VWF: variants seen among roughly 807,000 people sequenced by gnomAD.
The protein encoded by VWF is Factor VIII related antigen.
Under a neutral mutation model 308.6 loss-of-function variants are expected in VWF, and 176 were observed. The ratio of observed to expected loss-of-function variants is 0.57; its 90% CI spans 0.50 to 0.65. VWF has a LOEUF of 0.65. VWF is among the 30% of genes least tolerant of loss of function. The pLI, the probability that VWF is intolerant of heterozygous loss-of-function variation, is 0.00. For synonymous variants in VWF, 1,385 were observed against 1,443.4 expected (o/e 0.96, Z 0.92); for missense variants, 3,146 against 3,648.2 (o/e 0.86, Z 3.55).
At chr12:6,119,752 G>A (rs987200112) in intron 3 of VWF, among the ~76,000 whole-genome samples, 23 of 152,210 alleles carry the variant, frequency 1.5e-4, no homozygotes, top group African/African-American at 5.3e-4. Flanking sequence ...TGAGGCAGGA[G>A]AATTGCTTGA....
At position 6,060,186 on chromosome 12, in the gene VWF, C is replaced by G. The variant is rs1048908484; in HGVS notation, c.1534-2142G>C. Reference sequence around the variant, plus strand: ...AATAAACCTCTGGTCAGTGACAGTTCTGACTAAATGAAGCCTGTGCAAGGA... The same window carrying G: ...AATAAACCTCTGGTCAGTGACAGTTGTGACTAAATGAAGCCTGTGCAAGGA... On this transcript the variant is annotated intron_variant, in intron 13 of 51. Transcript: ENST00000261405. The surrounding 1 kb of genome is among the most constrained non-coding windows in gnomAD (Gnocchi z 5.1). Among the ~76,000 whole-genome samples, 4 of 152,184 alleles carry G rather than the reference C, an allele frequency of 2.6e-5. No individual in the cohort carries two copies. Among genetic ancestry groups the G allele is most frequent in the African/African-American group, 7.2e-5 (3 of 41,440 alleles).
At chr12:6,120,314 GT>G (rs1232380524) in intron 3 of VWF, among the ~76,000 whole-genome samples, 2 of 151,402 alleles carry the variant, frequency 1.3e-5, no homozygotes, top group Admixed American at 1.3e-4. Context: ...CAGTTTTTTT[GT>G]TTTTTGTGGG....
At chr12:6,116,554 G>A (rs1487042820) in intron 3 of VWF, among the ~76,000 whole-genome samples, 1 of 152,214 alleles carries the variant, frequency 6.6e-6, no homozygotes, top group Non-Finnish European at 1.5e-5. Flanking sequence ...GACTCAGCAG[G>A]CTGTTGGTTG....
Position 6,016,735 on chromosome 12 carries a change from A to G in VWF, c.5170+19T>C, listed in dbSNP as rs1385082001. On this transcript the variant is annotated intron_variant, in intron 29 of 51. Transcript: ENST00000261405. ...GAGCCTCTTCGTCACCTGCTGCTTC[A>G]GGTGCCTCGCTCACCCACCTATATT... is the stretch of plus-strand genomic sequence containing the variant. The G allele has an allele frequency of 6.2e-7, 1 of 1,614,260 alleles. No homozygotes were observed.
At chr12:5,971,231 C>T (rs1019242148) in intron 44 of VWF, among the ~76,000 whole-genome samples, 11 of 152,194 alleles carry the variant, frequency 7.2e-5, no homozygotes, top group Admixed American at 3.3e-4. Context: ...GGTCTGAGGA[C>T]CCTGCCTGGG....
At chr12:5,949,367 A>G (rs1294675870) in intron 51 of VWF, among the ~76,000 whole-genome samples, 164 bp from the exon 52 acceptor site, 2 of 152,224 alleles carry the variant, frequency 1.3e-5, no homozygotes, top group African/African-American at 4.8e-5. Context: ...AAGGAAGATC[A>G]TAGGTCTGAC....
chr12:6,014,676 T>G (rs1944037763), intron 31 of VWF, among the ~76,000 whole-genome samples: 1 of 152,204 alleles, frequency 6.6e-6, no homozygotes, highest in Non-Finnish European at 1.5e-5. Flanking sequence ...TTTTGCCTAT[T>G]AGAGCATGCA....
At chr12:5,975,366 G>A (rs938162810) in intron 43 of VWF, among the ~76,000 whole-genome samples, 8 of 152,066 alleles carry the variant, frequency 5.3e-5, no homozygotes, top group East Asian at 3.9e-4. Flanking sequence ...AATAATAATC[G>A]CATTAAACCA....
chr12:5,982,927 T>C (rs1943624076), intron 41 of VWF, among the ~76,000 whole-genome samples: 1 of 152,196 alleles, frequency 6.6e-6, no homozygotes, highest in Non-Finnish European at 1.5e-5. Flanking sequence ...CGGAGGTGCC[T>C]GTGGCTGTGC....
At chr12:6,037,385 G>C (rs1944348694) in intron 18 of VWF, among the ~76,000 whole-genome samples, 1 of 152,140 alleles carries the variant, frequency 6.6e-6, no homozygotes, top group Non-Finnish European at 1.5e-5. Flanking sequence ...CTGGGGGCTG[G>C]TCCAAGCCAC....
chr12:5,971,417 G>C (rs985820454), intron 44 of VWF, among the ~76,000 whole-genome samples, 182 bp downstream of exon 44: 3 of 152,204 alleles, frequency 2.0e-5, no homozygotes, highest in African/African-American at 7.2e-5. Context: ...GAAGGCTGAG[G>C]CCGTCTTAAC....
intron 5 of VWF, among the ~76,000 whole-genome samples, chr12:6,109,668 T>G (rs1482798481): frequency 6.6e-6 from 1 of 152,334 alleles, no homozygotes; most frequent in African/African-American, 2.4e-5. Flanking sequence ...CTTTTTTTTT[T>G]GAGACGGAGT....
intron 13 of VWF, among the ~76,000 whole-genome samples, chr12:6,062,428 GA>G: frequency 6.6e-6 from 1 of 150,422 alleles, no homozygotes; most frequent in East Asian, 1.9e-4. Context: ...CATTTCCAGA[GA>G]AACAGTGAAA....
chr12:6,012,389 T>G (rs548877566), intron 32 of VWF, among the ~76,000 whole-genome samples: 50 of 152,364 alleles, frequency 3.3e-4, no homozygotes, highest in Admixed American at 7.2e-4. Context: ...CAGCTTACGC[T>G]GTCATTATCT....
At chr12:5,988,016 AAAAT>A (rs1368813292) in intron 38 of VWF, among the ~76,000 whole-genome samples, 1 of 152,212 alleles carries the variant, frequency 6.6e-6, no homozygotes, top group Admixed American at 6.5e-5. Flanking sequence ...GTAAAAATAA[AAAAT>A]AAAAGAGCAG....
chr12:5,960,594 G>A (rs1943303051), intron 47 of VWF, among the ~76,000 whole-genome samples: 1 of 152,140 alleles, frequency 6.6e-6, no homozygotes, highest in Admixed American at 6.5e-5. Context: ...AACAAAATAT[G>A]AGCAAATAGA....
At chr12:5,999,471 T>TAAACAC (rs1555193388) in intron 34 of VWF, among the ~76,000 whole-genome samples, 1 of 143,558 alleles carries the variant, frequency 7.0e-6, no homozygotes, top group Admixed American at 6.9e-5. Flanking sequence ...TGTACACACA[T>TAAACAC]ACACACACAC....
intron 42 of VWF, among the ~76,000 whole-genome samples, chr12:5,978,808 A>G (rs1943560795): frequency 6.6e-6 from 1 of 152,234 alleles, no homozygotes; most frequent in African/African-American, 2.4e-5. Context: ...CTTGGCACCC[A>G]GATCATACCG....
chr12:6,016,727 G>C (rs1216808220), intron 29 of VWF, 27 bp downstream of exon 29: 1 of 1,614,136 alleles, frequency 6.2e-7, no homozygotes, highest in African/African-American at 1.3e-5. Context: ...TTCGTCACCT[G>C]CTGCTTCAGG....
Sources: gnomAD v4.1 joint callset for allele counts (sites outside exome capture counted in the v4.1 genomes callset) on GRCh38, gnomAD v4.1.1 for gene constraint, Gnocchi (gnomAD v3.1) non-coding constraint, MANE v1.5 for transcripts, NCBI Gene and HGNC (gene_info 2026-07-23, HGNC 2026-07-21) for gene names.